The following RIMBP2 variants were observed in gnomAD, a reference collection of about 807,000 sequenced individuals.
The protein encoded by RIMBP2 is RIMS-binding protein 2.
Under a neutral mutation model 118.6 loss-of-function variants are expected in RIMBP2, and 48 were observed. The observed-to-expected ratio is 0.40, with a 90% CI of 0.32 to 0.51. The LOEUF (loss-of-function observed/expected upper bound fraction) is 0.51. RIMBP2 is among the 20% of genes least tolerant of loss of function. The pLI is 0.41. For synonymous variants in RIMBP2, 762 were observed against 742.9 expected (o/e 1.03, Z -0.42); for missense variants, 1,551 against 1,768.3 (o/e 0.88, Z 2.20).
intron 2 of RIMBP2, among the ~76,000 whole-genome samples, chr12:130,564,275 A>G (rs2057049641): frequency 6.6e-6 from 1 of 151,398 alleles, no homozygotes; most frequent in Non-Finnish European, 1.5e-5. Flanking sequence ...ACCTTTTACA[A>G]CTTCTCAGAT....
Position 130,450,603 on chromosome 12 carries a change from G to C in RIMBP2, c.505-327C>G, listed in dbSNP as rs1407896691. On this transcript the variant is annotated intron_variant, in intron 8 of 22. Coordinates refer to ENST00000690449, the MANE Select transcript of RIMBP2 (RefSeq NM_001393629.1). The surrounding 1 kb of genome is among the most constrained non-coding windows in gnomAD (Gnocchi z 4.8). ...TCAGCGGCGTGGCCTTTTCTCATAG[G>C]GGTGGGGGTAAAATTAAGCAGTATG... Among the ~76,000 whole-genome samples the C allele has an allele frequency of 6.6e-6, 1 of 151,706 alleles. No homozygotes were observed. Among genetic ancestry groups the C allele is most frequent in the African/African-American group, 2.4e-5 (1 of 41,220 alleles).
rs956167262 is a variant in RIMBP2, at chr12:130,670,949, G to A, written c.-351-42493C>T. 4.6e-5 allele frequency among the ~76,000 whole-genome samples: 7 copies of A among 152,088 alleles called. No individual in the cohort carries two copies. The East Asian group carries it at 7.7e-4, about 17-fold the overall frequency. On this transcript the variant is annotated intron_variant, in intron 1 of 22. Transcript: ENST00000690449. This position sits in a 1 kb window ranked among gnomAD's most constrained non-coding sequence, Gnocchi z 4.9. ...CCAGTACGTCTCTTTTAGTAGACAC[G>A]GGGTTTCACCATGTTGGCCAGGCTG...
chr12:130,613,661 A>G (rs903803897), intron 2 of RIMBP2, among the ~76,000 whole-genome samples: 1 of 152,046 alleles, frequency 6.6e-6, no homozygotes, highest in African/African-American at 2.4e-5. Flanking sequence ...TACAAAGACA[A>G]AAATTAGCTG....
At chr12:130,477,173 C>T (rs1042660139) in intron 5 of RIMBP2, among the ~76,000 whole-genome samples, 5 of 152,196 alleles carry the variant, frequency 3.3e-5, no homozygotes, top group Admixed American at 2.0e-4. Context: ...GGATAAAGAA[C>T]GCCAAGAGAA....
intron 19 of RIMBP2, among the ~76,000 whole-genome samples, chr12:130,411,084 T>C (rs2075673751): frequency 1.3e-5 from 2 of 152,358 alleles, no homozygotes; most frequent in South Asian, 4.1e-4. Context: ...TAATGCTAAG[T>C]AGTTCATGTT....
intron 2 of RIMBP2, among the ~76,000 whole-genome samples, chr12:130,535,676 C>CAT (rs1321004844): frequency 2.6e-5 from 3 of 116,526 alleles, no homozygotes; most frequent in East Asian, 3.1e-4. Context: ...CATATATACA[C>CAT]ATATATATAC....
intron 1 of RIMBP2, among the ~76,000 whole-genome samples, chr12:130,674,577 G>T (rs1239338343): frequency 6.6e-6 from 1 of 152,166 alleles, no homozygotes; most frequent in Non-Finnish European, 1.5e-5. Flanking sequence ...TCCCTAACGT[G>T]ATCCTTTACC....
chr12:130,441,775 T>C (rs2078159324), intron 11 of RIMBP2, 73 bp downstream of exon 11: 2 of 1,363,352 alleles, frequency 1.5e-6, no homozygotes, highest in African/African-American at 2.9e-5. Flanking sequence ...CTGCCCCACC[T>C]TCCCTCCCCA....
chr12:130,556,854 G>A (rs1593786215), intron 2 of RIMBP2, among the ~76,000 whole-genome samples: 3 of 152,268 alleles, frequency 2.0e-5, no homozygotes, highest in Admixed American at 2.0e-4. Flanking sequence ...CAGAGCACCG[G>A]GCCAGTGAGC....
At chr12:130,684,905 T>C (rs1199550924) in intron 1 of RIMBP2, among the ~76,000 whole-genome samples, 2 of 152,196 alleles carry the variant, frequency 1.3e-5, no homozygotes, top group Admixed American at 6.5e-5. Flanking sequence ...AAACTTGCTT[T>C]CACTCTGCAC....
intron 2 of RIMBP2, among the ~76,000 whole-genome samples, chr12:130,546,829 C>T (rs1031198275): frequency 2.0e-5 from 3 of 152,166 alleles, no homozygotes; most frequent in African/African-American, 7.2e-5. Context: ...AAACAATTTA[C>T]ATGGAAAGTC....
intron 2 of RIMBP2, among the ~76,000 whole-genome samples, chr12:130,624,802 G>A (rs2061521777): frequency 6.6e-6 from 1 of 152,170 alleles, no homozygotes; most frequent in African/African-American, 2.4e-5. Context: ...TCAGCTTACT[G>A]CAACCTCTGC....
intron 4 of RIMBP2, among the ~76,000 whole-genome samples, chr12:130,481,295 T>G (rs2081993395): frequency 6.6e-6 from 1 of 152,170 alleles, no homozygotes; most frequent in Non-Finnish European, 1.5e-5. Flanking sequence ...TCCTTTCTTC[T>G]GGGAAAGATC....
At position 130,623,759 on chromosome 12, in the gene RIMBP2, CT is replaced by C. The variant is rs1421968185; in HGVS notation, c.-217+4562del. Among the ~76,000 whole-genome samples, 1 of 152,196 alleles carries C rather than the reference CT, an allele frequency of 6.6e-6. No individual in the cohort carries two copies. Among genetic ancestry groups the C allele is most frequent in the Non-Finnish European group, 1.5e-5 (1 of 68,038 alleles). On this transcript the variant is annotated intron_variant, in intron 2 of 22. Transcript: ENST00000690449. This position sits in a 1 kb window ranked among gnomAD's most constrained non-coding sequence, Gnocchi z 4.1. ...CAGGGCAAGCAAGACATGCTGGAGC[CT>C]CCATGCACCTGCAAGACCGCCTCAG...
chr12:130,493,228 G>C (rs141812920), intron 4 of RIMBP2, among the ~76,000 whole-genome samples: 1 of 152,184 alleles, frequency 6.6e-6, no homozygotes, highest in South Asian at 2.1e-4. Flanking sequence ...TCTGCCACTC[G>C]ATTTGGCTTC....
chr12:130,542,191 C>A lies in RIMBP2; in HGVS notation c.-216-24274G>T, dbSNP rs78712033. On this transcript the variant is annotated intron_variant, in intron 2 of 22. Coordinates refer to ENST00000690449, the MANE Select transcript of RIMBP2 (RefSeq NM_001393629.1). ...GGATGCTGGCTAGGAAATTTTAGAG[C>A]AGAGGCCTTAATGATGTGAAAGAAT... Among the ~76,000 whole-genome samples, 492 of 146,450 alleles carry A rather than the reference C, an allele frequency of 3.4e-3. 4 individuals carry two copies. The highest frequency in any genetic ancestry group is 0.012 in the African/African-American group (482 of 41,290).
intron 11 of RIMBP2, among the ~76,000 whole-genome samples, chr12:130,440,008 G>A (rs931578701): frequency 3.3e-5 from 5 of 151,800 alleles, no homozygotes; most frequent in Non-Finnish European, 5.9e-5. Context: ...AAGCACATCC[G>A]TATCTCCCAC....
intron 12 of RIMBP2, among the ~76,000 whole-genome samples, chr12:130,437,956 C>A (rs559398541): frequency 1.3e-3 from 204 of 152,348 alleles, no homozygotes; most frequent in African/African-American, 4.9e-3. Flanking sequence ...ATACCCATTT[C>A]TTGGAGTCAA....
intron 11 of RIMBP2, 147 bp downstream of exon 11, chr12:130,441,701 C>T: frequency 1.4e-6 from 1 of 713,080 alleles, no homozygotes; most frequent in Non-Finnish European, 2.3e-6. Context: ...ACGTTCTGTG[C>T]TTCGCCGGTG....
Sources: allele counts gnomAD v4.1 joint callset (sites outside exome capture counted in the v4.1 genomes callset), GRCh38; gene constraint gnomAD v4.1.1; non-coding constraint Gnocchi (gnomAD v3.1); transcripts MANE v1.5; gene names NCBI Gene and HGNC (gene_info 2026-07-23, HGNC 2026-07-21).